The following ELAPOR2 variants were observed in gnomAD, a reference collection of about 807,000 sequenced individuals.
The protein encoded by ELAPOR2 is endosome/lysosome-associated apoptosis and autophagy regulator family member 2.
In ELAPOR2, 89 loss-of-function variants were observed where a neutral mutation model predicts 120.7. That is an observed-to-expected ratio of 0.74 (90% CI 0.62 to 0.88). The LOEUF is 0.88. ELAPOR2 is among the 40% of genes least tolerant of loss of function. The probability of loss-of-function intolerance (pLI) is 0.00; values close to 1 mark genes in which losing one functional copy is unlikely to be tolerated. For missense variants in ELAPOR2, 1,134 were observed against 1,251.6 expected (o/e 0.91, Z 1.42); for synonymous variants, 444 against 444.9 (o/e 1.00, Z 0.03).
intron 1 of ELAPOR2, among the ~76,000 whole-genome samples, chr7:86,988,674 A>G (rs1792840214): frequency 6.6e-6 from 1 of 152,232 alleles, no homozygotes; most frequent in Non-Finnish European, 1.5e-5. Flanking sequence ...GTTTAAAGAC[A>G]GTTTTCAAAA....
chr7:86,982,559 T>C (rs1398320154), intron 1 of ELAPOR2, among the ~76,000 whole-genome samples: 4 of 152,212 alleles, frequency 2.6e-5, no homozygotes, highest in African/African-American at 9.7e-5. Context: ...AGAGTGGACA[T>C]ACAGCAAACT....
At chr7:86,939,174 C>T (rs1267751785) in intron 6 of ELAPOR2, among the ~76,000 whole-genome samples, 2 of 152,090 alleles carry the variant, frequency 1.3e-5, no homozygotes, top group African/African-American at 4.8e-5. Flanking sequence ...ATGAAGATTT[C>T]ATAGAGGTAT....
chr7:86,945,099 T>C lies in ELAPOR2; in HGVS notation c.507-53A>G, dbSNP rs1463885600. 2.7e-6 allele frequency: 4 copies of C among 1,485,632 alleles called. No individual in the cohort carries two copies. The African/African-American group carries it at 5.7e-5, about 21-fold the overall frequency. 92.0% of individuals were successfully genotyped at this position (1,485,632 alleles called of 1,614,324 possible). On this transcript the variant is annotated intron_variant, in intron 3 of 21. Transcript: ENST00000450689. ...TACATTAATGTTCTGAAACCTCTTC[T>C]ATTCACAAAACTATGTAACTCAGAT...
chr7:86,925,586 A>T lies in ELAPOR2; in HGVS notation c.1341T>A (p.Pro447=). 6.2e-7 allele frequency: 1 copy of T among 1,612,158 alleles called. No individual in the cohort carries two copies. Among genetic ancestry groups the T allele is most frequent in the Admixed American group, 1.7e-5 (1 of 59,836 alleles). Residue 447 remains proline (P), a synonymous_variant, in exon 10 of 22, where the codon CCT becomes CCA. Transcript: ENST00000450689. ...TGAAGCAGGAAGTTTTCATGTTGCC[A>T]GGAAGGACATTCCACCATTTATATT... ...GFEYKWWNVL[P]GNMKTSCFNV...
At chr7:86,892,038 C>T in intron 20 of ELAPOR2, 149 bp from the exon 21 acceptor site, 1 of 552,412 alleles carries the variant, frequency 1.8e-6, no homozygotes, top group African/African-American at 1.9e-5. Flanking sequence ...ATAGCCATAG[C>T]AATATGTGTG....
intron 20 of ELAPOR2, 85 bp from the exon 21 acceptor site, chr7:86,891,974 G>C: frequency 3.7e-5 from 32 of 863,698 alleles, no homozygotes; most frequent in Non-Finnish European, 5.1e-5. Context: ...TAATATACCA[G>C]CTCATTAAAT....
intron 7 of ELAPOR2, 37 bp from the exon 8 acceptor site, chr7:86,938,251 T>C (rs1323039854): frequency 1.4e-6 from 2 of 1,480,456 alleles, no homozygotes; most frequent in East Asian, 2.5e-5. Flanking sequence ...AATGGGTCAA[T>C]TATTTTGCAA....
At chr7:86,906,184 C>T (rs1789004016) in intron 18 of ELAPOR2, among the ~76,000 whole-genome samples, 1 of 152,182 alleles carries the variant, frequency 6.6e-6, no homozygotes, top group East Asian at 1.9e-4. Flanking sequence ...GAACTCAGAA[C>T]TGTATGATGG....
chr7:86,948,827 A>G (rs1240395462), intron 2 of ELAPOR2, among the ~76,000 whole-genome samples: 1 of 152,146 alleles, frequency 6.6e-6, no homozygotes, highest in Admixed American at 6.5e-5. Flanking sequence ...AGTGACTCCA[A>G]CCTTGGAAAA....
intron 10 of ELAPOR2, among the ~76,000 whole-genome samples, chr7:86,923,471 T>A (rs886315583): frequency 6.6e-6 from 1 of 152,028 alleles, no homozygotes; most frequent in African/African-American, 2.4e-5. Flanking sequence ...CTTAACAATG[T>A]TACATAGCTA....
At chr7:87,008,536 T>A (rs1048320494) in intron 1 of ELAPOR2, among the ~76,000 whole-genome samples, 4 of 152,236 alleles carry the variant, frequency 2.6e-5, no homozygotes, top group African/African-American at 9.6e-5. Flanking sequence ...ATGACCTTGT[T>A]CTTATGGAAA....
chr7:87,032,598 A>T (rs1372593785), intron 1 of ELAPOR2, among the ~76,000 whole-genome samples: 4 of 152,086 alleles, frequency 2.6e-5, no homozygotes, highest in Non-Finnish European at 4.4e-5. Context: ...TACATCCTTC[A>T]CTCCCAGAAA....
chr7:86,966,218 A>T (rs1401554368), intron 1 of ELAPOR2, among the ~76,000 whole-genome samples: 1 of 152,210 alleles, frequency 6.6e-6, no homozygotes, highest in Non-Finnish European at 1.5e-5. Context: ...CCACACAAAC[A>T]TAGGACCACA....
At chr7:86,906,174 G>T (rs145358706) in intron 18 of ELAPOR2, among the ~76,000 whole-genome samples, 116 of 152,216 alleles carry the variant, frequency 7.6e-4, no homozygotes, top group African/African-American at 2.7e-3. Context: ...ATAAGCACCT[G>T]AACTCAGAAC....
At position 86,926,780 on chromosome 7, in the gene ELAPOR2, G is replaced by C; in HGVS notation, c.1226C>G (p.Ser409Cys). The stretch of plus-strand genomic sequence containing the variant: ...TGTTCCAGGAGGACAGGGATGGCAA[G>C]AAGATGATCCATTGTTATAAAATCC... ...NPGFYNNGSS[S>C]CHPCPPGTFS... is the part of the protein sequence containing the mutation. The change falls in exon 9 of 22, where the codon TCT becomes TGT. Residue 409 changes from serine (S) to cysteine (C), a missense_variant. Ser to Cys is a moderately radical substitution (Grantham distance 112). Around this residue, in one of 3 missense-constraint regions of ELAPOR2, gnomAD observed 831 missense variants for 867.6 expected, o/e 0.96. Coordinates refer to ENST00000450689, the MANE Select transcript of ELAPOR2 (RefSeq NM_001142749.3). 3.1e-6 allele frequency: 5 copies of C among 1,611,866 alleles called. No individual in the cohort carries two copies. The South Asian group carries it at 5.5e-5, about 18-fold the overall frequency.
intron 1 of ELAPOR2, among the ~76,000 whole-genome samples, chr7:86,990,485 C>G (rs994143816): frequency 6.6e-6 from 1 of 152,034 alleles, no homozygotes; most frequent in African/African-American, 2.4e-5. Context: ...CAGATGCCAC[C>G]CCTTGACCTT....
At chr7:86,893,892 A>G (rs975763562) in intron 19 of ELAPOR2, among the ~76,000 whole-genome samples, 1 of 152,096 alleles carries the variant, frequency 6.6e-6, no homozygotes, top group African/African-American at 2.4e-5. Flanking sequence ...CAAGTACAGC[A>G]TATGGTTCGT....
intron 18 of ELAPOR2, among the ~76,000 whole-genome samples, chr7:86,907,158 C>A (rs563926377): frequency 6.5e-4 from 99 of 152,154 alleles, no homozygotes; most frequent in African/African-American, 2.3e-3. Flanking sequence ...GTCAGACTTA[C>A]CTTGGTGATT....
chr7:87,056,233 T>C (rs1470328031), intron 1 of ELAPOR2, among the ~76,000 whole-genome samples: 2 of 152,226 alleles, frequency 1.3e-5, no homozygotes, highest in East Asian at 1.9e-4. Context: ...TCAGCCCTCA[T>C]ATTTATATTT....
Sources: allele counts gnomAD v4.1 joint callset (sites outside exome capture counted in the v4.1 genomes callset), GRCh38; gene constraint gnomAD v4.1.1; regional missense constraint gnomAD v4.1.1; transcripts MANE v1.5; gene names NCBI Gene and HGNC (gene_info 2026-07-23, HGNC 2026-07-21).